The following CDIN1 variants were observed in gnomAD, a reference collection of about 807,000 sequenced individuals.
CDIN1 encodes CDAN1 interacting nuclease 1.
Under a neutral mutation model 45.3 loss-of-function variants are expected in CDIN1, and 33 were observed. The ratio of observed to expected loss-of-function variants is 0.73; its 90% CI spans 0.55 to 0.97. CDIN1 has a LOEUF of 0.97. Among genes scored for constraint, CDIN1 ranks in the 50% least tolerant of loss-of-function variants. The probability of loss-of-function intolerance (pLI) is 0.00; values close to 1 mark genes in which losing one functional copy is unlikely to be tolerated. For missense variants in CDIN1, 303 were observed against 339.4 expected (o/e 0.89, Z 0.84); for synonymous variants, 118 against 124.4 (o/e 0.95, Z 0.34).
At chr15:36,697,128 T>A (rs1394973603) in intron 7 of CDIN1, among the ~76,000 whole-genome samples, 195 bp from the exon 8 acceptor site, 3 of 144,582 alleles carry the variant, frequency 2.1e-5, no homozygotes, top group Non-Finnish European at 4.6e-5. Context: ...CTGTCTCTAT[T>A]AAAAAAAAAA....
At chr15:36,677,868 C>T (rs2041705349) in intron 5 of CDIN1, among the ~76,000 whole-genome samples, 1 of 152,086 alleles carries the variant, frequency 6.6e-6, no homozygotes, top group Non-Finnish European at 1.5e-5. Context: ...ATAGCATTAA[C>T]CAGGTGCTTT....
chr15:36,758,330 T>C (rs1220612998), intron 10 of CDIN1, among the ~76,000 whole-genome samples: 8 of 152,202 alleles, frequency 5.3e-5, no homozygotes, highest in Non-Finnish European at 7.3e-5. Flanking sequence ...AGTCTAGTGA[T>C]ATTTCAACAG....
intron 1 of CDIN1, among the ~76,000 whole-genome samples, chr15:36,624,717 G>A (rs1271222157): frequency 6.6e-6 from 1 of 152,068 alleles, no homozygotes; most frequent in African/African-American, 2.4e-5. Context: ...TGGGATGGGA[G>A]TAAGAAGCAG....
At chr15:36,622,224 G>A (rs758861464) in intron 1 of CDIN1, among the ~76,000 whole-genome samples, 1 of 152,142 alleles carries the variant, frequency 6.6e-6, no homozygotes, top group East Asian at 1.9e-4. Context: ...ATGCAAAATA[G>A]GTCTTCTGGC....
chr15:36,708,996 A>G (rs1266323400), intron 8 of CDIN1: 1 of 374,426 alleles, frequency 2.7e-6, no homozygotes, highest in African/African-American at 2.1e-5. Flanking sequence ...GATGTTTATA[A>G]TAACGAAAAC....
intron 7 of CDIN1, among the ~76,000 whole-genome samples, chr15:36,696,172 G>A (rs1189890796): frequency 2.6e-5 from 4 of 152,070 alleles, no homozygotes; most frequent in Non-Finnish European, 5.9e-5. Flanking sequence ...TTAACACAGT[G>A]CCTACCACAT....
chr15:36,589,013 T>C (rs796625552), intron 1 of CDIN1, among the ~76,000 whole-genome samples: 7 of 152,322 alleles, frequency 4.6e-5, no homozygotes, highest in East Asian at 1.9e-4. Flanking sequence ...CATCAAACTT[T>C]AGTTTACTAA....
At chr15:36,640,544 T>G in intron 1 of CDIN1, 1 of 776,192 alleles carries the variant, frequency 1.3e-6, no homozygotes, top group Non-Finnish European at 1.6e-6. Flanking sequence ...TTAAGCTTCC[T>G]AGATTCTATA....
chr15:36,808,280 C>G, intron 10 of CDIN1, 44 bp from the exon 11 acceptor site: 2 of 1,606,840 alleles, frequency 1.2e-6, no homozygotes, highest in Non-Finnish European at 8.5e-7. Flanking sequence ...TTCAAGAGCT[C>G]TGTTGATACC....
chr15:36,732,813 A>G (rs535994170), intron 10 of CDIN1, among the ~76,000 whole-genome samples: 1 of 152,160 alleles, frequency 6.6e-6, no homozygotes, highest in East Asian at 1.9e-4. Flanking sequence ...GTATTTTCTT[A>G]TCACCAGTAT....
intron 3 of CDIN1, among the ~76,000 whole-genome samples, chr15:36,653,687 GT>G (rs1220422102): frequency 1.3e-5 from 2 of 152,192 alleles, no homozygotes; most frequent in Admixed American, 6.5e-5. Flanking sequence ...AAGCAGCCCT[GT>G]GAAACAGGTA....
chr15:36,749,434 C>T (rs1373243519), intron 10 of CDIN1, among the ~76,000 whole-genome samples: 10 of 152,088 alleles, frequency 6.6e-5, no homozygotes, highest in Non-Finnish European at 1.0e-4. Flanking sequence ...GATATGTGGC[C>T]CATGTAGCAT....
At chr15:36,654,527 A>AC (rs1314594085) in intron 4 of CDIN1, among the ~76,000 whole-genome samples, 3 of 151,710 alleles carry the variant, frequency 2.0e-5, no homozygotes, top group African/African-American at 7.3e-5. Flanking sequence ...AAAAAAAAAA[A>AC]AAAAACTGCT....
At chr15:36,710,248 G>A (rs1349334814) in intron 10 of CDIN1, among the ~76,000 whole-genome samples, 1 of 152,038 alleles carries the variant, frequency 6.6e-6, no homozygotes, top group Non-Finnish European at 1.5e-5. Flanking sequence ...ATAATAAGAT[G>A]TGGTGTATAT....
At chr15:36,640,934 C>T (rs866446426) in intron 1 of CDIN1, among the ~76,000 whole-genome samples, 1 of 152,146 alleles carries the variant, frequency 6.6e-6, no homozygotes, top group South Asian at 2.1e-4. Flanking sequence ...AATAGTACCC[C>T]GTTAATGTTT....
chr15:36,633,721 A>G (rs905850449), intron 1 of CDIN1, among the ~76,000 whole-genome samples: 147 of 151,050 alleles, frequency 9.7e-4, no homozygotes, highest in Admixed American at 6.3e-3. Flanking sequence ...AGAACTGACA[A>G]TTTTATTTAC....
chr15:36,645,089 C>T lies in CDIN1; in HGVS notation c.148-134C>T, dbSNP rs905199685. 10 of 686,216 alleles carry T rather than the reference C, an allele frequency of 1.5e-5. No individual in the cohort carries two copies. The South Asian group carries it at 1.9e-4, about 13-fold the overall frequency. The allele number at this position is 686,216 out of a possible 1,614,324, so 42.5% of individuals were successfully genotyped here. On this transcript the variant is annotated intron_variant, in intron 2 of 10. Coordinates refer to ENST00000566621, the MANE Select transcript of CDIN1 (RefSeq NM_001321759.2). ...AGAAGGAAAAGAAGTCCTGCCATCA[C>T]CACAATTCCCAAGCTGTTATTCAGT...
chr15:36,638,125 A>G (rs1362559594), intron 1 of CDIN1, among the ~76,000 whole-genome samples: 1 of 152,218 alleles, frequency 6.6e-6, no homozygotes, highest in African/African-American at 2.4e-5. Flanking sequence ...AAAAAGGAAT[A>G]TATAATGACA....
intron 10 of CDIN1, among the ~76,000 whole-genome samples, chr15:36,794,688 CCATT>C (rs2141100064): frequency 1.3e-5 from 2 of 152,226 alleles, no homozygotes; most frequent in South Asian, 4.2e-4. Context: ...ATTTCTTTAT[CCATT>C]CATACATCTA....
Sources: gnomAD v4.1 joint callset for allele counts (sites outside exome capture counted in the v4.1 genomes callset) on GRCh38, gnomAD v4.1.1 for gene constraint, MANE v1.5 for transcripts, NCBI Gene and HGNC (gene_info 2026-07-23, HGNC 2026-07-21) for gene names.